The following MVB12B variants were observed in gnomAD, a reference collection of about 807,000 sequenced individuals.
MVB12B encodes multivesicular body subunit 12B, also known as ESCRT-I complex subunit MVB12B.
A neutral mutation model predicts 41.6 loss-of-function variants in MVB12B; 16 were observed. The observed-to-expected ratio is 0.38, with a 90% CI of 0.26 to 0.58. The LOEUF is 0.58. Among genes scored for constraint, MVB12B ranks in the 20% least tolerant of loss-of-function variants. The pLI, the probability that MVB12B is intolerant of heterozygous loss-of-function variation, is 0.62. For synonymous variants in MVB12B, 133 were observed against 139.7 expected, an observed-to-expected ratio of 0.95 and a Z score of 0.34; for missense variants, 274 against 380.2, an observed-to-expected ratio of 0.72 and a Z score of 2.32.
chr9:126,360,544 ATTC>A (rs1259224324), intron 2 of MVB12B, among the ~76,000 whole-genome samples: 2 of 152,314 alleles, frequency 1.3e-5, no homozygotes, highest in Non-Finnish European at 2.9e-5. Context: ...AAGAATGTAT[ATTC>A]TTCTTCTGTT....
At chr9:126,446,000 A>G (rs1231571000) in intron 7 of MVB12B, among the ~76,000 whole-genome samples, 1 of 152,216 alleles carries the variant, frequency 6.6e-6, no homozygotes, top group Non-Finnish European at 1.5e-5. Flanking sequence ...AAGCAGTGGC[A>G]GTAGTTTTCA....
intron 2 of MVB12B, among the ~76,000 whole-genome samples, chr9:126,350,143 T>G (rs1417272297): frequency 6.6e-6 from 1 of 152,254 alleles, no homozygotes; most frequent in Non-Finnish European, 1.5e-5. Context: ...ATGTCTTCCA[T>G]GAAAATTTCT....
chr9:126,435,644 C>G (rs913252799), intron 7 of MVB12B, among the ~76,000 whole-genome samples: 2 of 149,462 alleles, frequency 1.3e-5, no homozygotes, highest in African/African-American at 4.9e-5. Flanking sequence ...CCTCCCAGAA[C>G]CTCTTATTTT....
intron 6 of MVB12B, among the ~76,000 whole-genome samples, chr9:126,404,641 T>G (rs1483691085): frequency 6.6e-6 from 1 of 152,130 alleles, no homozygotes; most frequent in Non-Finnish European, 1.5e-5. Context: ...AGAAACCGCC[T>G]AAGCGGTCTT....
intron 4 of MVB12B, among the ~76,000 whole-genome samples, chr9:126,388,227 A>G (rs1429557128): frequency 6.6e-6 from 1 of 152,064 alleles, no homozygotes. Context: ...CTAGGCAACC[A>G]CTGATCTACT....
rs1339667000 is a variant in MVB12B at position 126,436,474 on chromosome 9, ACACAGGATTTGAAAAAGTCTGC to A, written c.757+14530_757+14551del. Reference sequence around the variant, plus strand: ...CTGCTTGTCCTATTATAATTTACACACACAGGATTTGAAAAAGTCTGCCACTTAGTATAAAAGTGAAAAGGTT... The same window carrying A: ...CTGCTTGTCCTATTATAATTTACACACACTTAGTATAAAAGTGAAAAGGTT... On this transcript the variant is annotated intron_variant, in intron 7 of 9. Coordinates refer to ENST00000361171, the MANE Select transcript of MVB12B (RefSeq NM_033446.3). This position sits in a 1 kb window ranked among gnomAD's most constrained non-coding sequence, Gnocchi z 4.1. 6.6e-6 allele frequency among the ~76,000 whole-genome samples: 1 copy of A among 152,234 alleles called. No individual in the cohort carries two copies. The highest frequency in any genetic ancestry group is 1.5e-5 in the Non-Finnish European group (1 of 68,040).
intron 2 of MVB12B, among the ~76,000 whole-genome samples, chr9:126,343,208 C>T (rs892375006): frequency 1.1e-4 from 17 of 152,188 alleles, no homozygotes; most frequent in Admixed American, 1.0e-3. Context: ...TTTATTGTTC[C>T]GACGTCTGCG....
At chr9:126,477,738 G>A (rs1045773278) in intron 7 of MVB12B, among the ~76,000 whole-genome samples, 3 of 152,230 alleles carry the variant, frequency 2.0e-5, no homozygotes, top group African/African-American at 7.2e-5. Flanking sequence ...TACAATTCAA[G>A]ATGATATTTG....
chr9:126,443,386 G>C (rs565512200), intron 7 of MVB12B, among the ~76,000 whole-genome samples: 133 of 152,248 alleles, frequency 8.7e-4, no homozygotes, highest in African/African-American at 3.2e-3. Context: ...AGGGACTGAG[G>C]TTCCAACTGA....
intron 1 of MVB12B, among the ~76,000 whole-genome samples, chr9:126,331,448 AT>A (rs1829128667): frequency 6.6e-6 from 1 of 152,160 alleles, no homozygotes; most frequent in Non-Finnish European, 1.5e-5. Context: ...TCCTTTGCCC[AT>A]TTTTAAATTA....
At chr9:126,342,013 A>G (rs1014785366) in intron 2 of MVB12B, among the ~76,000 whole-genome samples, 4 of 152,274 alleles carry the variant, frequency 2.6e-5, no homozygotes, top group Non-Finnish European at 5.9e-5. Flanking sequence ...CAAACATTTC[A>G]GTCTTAGCTG....
chr9:126,503,337 C>T lies in MVB12B; in HGVS notation c.*74C>T, dbSNP rs1381718577. 3 of 1,216,644 alleles carry T rather than the reference C, an allele frequency of 2.5e-6. No homozygotes were observed. Among genetic ancestry groups the T allele is most frequent in the Non-Finnish European group, 3.5e-6 (3 of 862,608 alleles). 75.4% of individuals were successfully genotyped at this position (1,216,644 alleles called of 1,614,324 possible). A position where few individuals can be genotyped will look rare whatever the true frequency, so the allele number is the denominator to read the frequency against. On this transcript the variant is annotated 3_prime_UTR_variant, in exon 10 of 10. Coordinates refer to ENST00000361171, the MANE Select transcript of MVB12B (RefSeq NM_033446.3). ...CGGCAGGGGCTGCTGCCCCCGCCTC[C>T]TCCTGCCGCCTCCGCCAGCCCTCCC...
intron 6 of MVB12B, among the ~76,000 whole-genome samples, chr9:126,404,499 G>A (rs1372843078): frequency 6.6e-6 from 1 of 152,242 alleles, no homozygotes; most frequent in Non-Finnish European, 1.5e-5. Flanking sequence ...CTGGTGGGTA[G>A]GTGGGGTGCC....
intron 6 of MVB12B, among the ~76,000 whole-genome samples, chr9:126,411,693 G>A (rs1045446049): frequency 2.0e-5 from 3 of 152,160 alleles, no homozygotes; most frequent in African/African-American, 4.8e-5. Context: ...TAAACTTTGC[G>A]CATGGTGGTT....
intron 6 of MVB12B, among the ~76,000 whole-genome samples, chr9:126,412,391 A>C (rs962580482): frequency 6.6e-6 from 1 of 151,964 alleles, no homozygotes; most frequent in Non-Finnish European, 1.5e-5. Context: ...GTTGCTTTTC[A>C]TATTTCTTCT....
At chr9:126,377,569 CCT>C (rs1830517247) in intron 2 of MVB12B, among the ~76,000 whole-genome samples, 1 of 152,172 alleles carries the variant, frequency 6.6e-6, no homozygotes. Flanking sequence ...TTCACACTGC[CCT>C]GATTGCAGAG....
chr9:126,470,223 G>A (rs1833283205), intron 7 of MVB12B, among the ~76,000 whole-genome samples: 1 of 152,156 alleles, frequency 6.6e-6, no homozygotes, highest in African/African-American at 2.4e-5. Flanking sequence ...AAAGACGTTT[G>A]GAGGGACAAA....
chr9:126,419,244 A>G (rs1831924301), intron 6 of MVB12B, among the ~76,000 whole-genome samples: 1 of 152,200 alleles, frequency 6.6e-6, no homozygotes, highest in Non-Finnish European at 1.5e-5. Context: ...TTAGTCTGGC[A>G]GCCATGAAGC....
intron 2 of MVB12B, among the ~76,000 whole-genome samples, chr9:126,350,567 A>G (rs1182870738): frequency 2.6e-5 from 4 of 152,226 alleles, no homozygotes; most frequent in Non-Finnish European, 5.9e-5. Context: ...CTTGGTGAAG[A>G]TTCAGCAGAG....
Sources: allele counts gnomAD v4.1 joint callset (sites outside exome capture counted in the v4.1 genomes callset), GRCh38; gene constraint gnomAD v4.1.1; non-coding constraint Gnocchi (gnomAD v3.1); transcripts MANE v1.5; gene names NCBI Gene and HGNC (gene_info 2026-07-23, HGNC 2026-07-21).